The following ZNF814 variants were observed in gnomAD, a reference collection of about 807,000 sequenced individuals.
The protein encoded by ZNF814 is zinc finger protein 814.
In ZNF814, 5 loss-of-function variants were observed where a neutral mutation model predicts 7.5. The ratio of observed to expected loss-of-function variants is 0.67; its 90% confidence interval spans 0.35 to 1.40. The LOEUF (loss-of-function observed/expected upper bound fraction) is 1.40. ZNF814 is among the 40% of genes most tolerant of loss of function. The pLI, the probability that ZNF814 is intolerant of heterozygous loss-of-function variation, is 0.04. For synonymous variants in ZNF814, 315 were observed against 340.7 expected, an observed-to-expected ratio of 0.92 and a Z score of 0.83; for missense variants, 962 against 1,018.0, an observed-to-expected ratio of 0.94 and a Z score of 0.75.
At chr19:57,886,573 G>C (rs995387775) in intron 1 of ZNF814, among the ~76,000 whole-genome samples, 2 of 149,708 alleles carry the variant, frequency 1.3e-5, no homozygotes, top group African/African-American at 5.1e-5. Context: ...AAGATGCTTT[G>C]TTTAATAAAC....
intron 2 of ZNF814, chr19:57,876,550 A>C (rs1401740751): frequency 2.7e-6 from 1 of 372,438 alleles, no homozygotes; most frequent in Non-Finnish European, 4.8e-6. Context: ...GCAGTGATGT[A>C]GTCTGTGAAG....
intron 1 of ZNF814, among the ~76,000 whole-genome samples, chr19:57,883,092 C>G (rs1445255764): frequency 1.3e-5 from 2 of 151,882 alleles, no homozygotes; most frequent in African/African-American, 4.9e-5. Flanking sequence ...GGTGTGGTGG[C>G]TCACACCTGT....
At chr19:57,900,839 A>ATTTTTTTTTTTTTTTTTTTTTTT in the ZNF814 span, among the ~76,000 whole-genome samples, 106 of 45,770 alleles carry the variant, frequency 2.3e-3, 34 homozygotes, top group South Asian at 5.9e-3. Context: ...CCATGGCTGC[A>ATTTTTTTTTTTTTTTTTTTTTTT]TTTTTTTTTT....
chr19:57,891,818 A>G (rs772536933), upstream of ZNF814, among the ~76,000 whole-genome samples: 3 of 152,006 alleles, frequency 2.0e-5, no homozygotes, highest in Non-Finnish European at 2.9e-5. Flanking sequence ...CAGTGGCATG[A>G]TCTCAGCTCA....
intron 1 of ZNF814, among the ~76,000 whole-genome samples, chr19:57,885,409 T>A (rs2122463293): frequency 6.6e-6 from 1 of 150,870 alleles, no homozygotes; most frequent in African/African-American, 2.4e-5. Context: ...GGTGGGTGGA[T>A]CATGAGGTCA....
chr19:57,874,863 C>T lies in ZNF814; in HGVS notation c.527G>A (p.Gly176Glu). The T allele has an allele frequency of 6.2e-7, 1 of 1,614,096 alleles. No individual in the cohort carries two copies. Among genetic ancestry groups the T allele is most frequent in the Non-Finnish European group, 8.5e-7 (1 of 1,180,016 alleles). ...SGESSVFSES[G>E]KDFLPRSGLL... ...TCCTGACCTGGGCAAAAAGTCCTTCCCACTCTCACTGAAGACAGATGACTC... is the reference window on the plus strand; with the variant it reads ...TCCTGACCTGGGCAAAAAGTCCTTCTCACTCTCACTGAAGACAGATGACTC... The change falls in exon 3 of 3, where the codon GGG becomes GAG. Residue 176 changes from glycine to glutamate, a missense_variant. By Grantham distance (98) the Gly-to-Glu change is moderately conservative. Coordinates refer to ENST00000435989, the MANE Select transcript of ZNF814 (RefSeq NM_001144989.2).
intron 1 of ZNF814, among the ~76,000 whole-genome samples, chr19:57,878,947 G>A (rs1568519778): frequency 2.6e-5 from 4 of 151,508 alleles, no homozygotes; most frequent in Non-Finnish European, 5.9e-5. Flanking sequence ...GCACACAAGG[G>A]AAAAAAATTT....
At chr19:57,889,361 A>G (rs1186003175), upstream of ZNF814, among the ~76,000 whole-genome samples, 4 of 152,030 alleles carry the variant, frequency 2.6e-5, no homozygotes. Context: ...CTGAGCAACA[A>G]AGCAAAATCC....
chr19:57,901,058 G>T, the ZNF814 span, among the ~76,000 whole-genome samples: 1 of 148,714 alleles, frequency 6.7e-6, no homozygotes, highest in African/African-American at 2.5e-5. Context: ...CCGTGGTCTT[G>T]ATCTCCTGAC....
rs899557936 is a variant in ZNF814 at position 57,873,707 on chromosome 19, G to A, written c.1683C>T (p.Gly561=). Reference sequence around the variant, plus strand: ...GAACTCGCTGATGTAGAATGAGGGTGCCTTTATGACTAAAAGATTTCCCAC... The same window carrying A: ...GAACTCGCTGATGTAGAATGAGGGTACCTTTATGACTAAAAGATTTCCCAC... The part of the protein sequence containing the change: ...GECGKSFSHK[G]TLILHQRVHP... Residue 561 remains glycine, a synonymous_variant, in exon 3 of 3, where the codon GGC becomes GGT. Transcript: ENST00000435989. 1.9e-6 allele frequency: 3 copies of A among 1,613,160 alleles called. No homozygotes were observed. Among genetic ancestry groups the A allele is most frequent in the Non-Finnish European group, 2.5e-6 (3 of 1,179,724 alleles).
intron 1 of ZNF814, among the ~76,000 whole-genome samples, chr19:57,880,610 T>C (rs2071645001): frequency 8.5e-6 from 1 of 116,966 alleles, no homozygotes; most frequent in South Asian, 2.3e-4. Context: ...ACCTTTTTTT[T>C]TTCTTTTTTT....
rs2071559564 is a variant in ZNF814, at chr19:57,871,870, G to C, written c.*952C>G. ...CACACCTGTAATCCCAGCATGTTTGGAGGCCAAGGTGGAAGGATCGCTTGA... is the reference window on the plus strand; with the variant it reads ...CACACCTGTAATCCCAGCATGTTTGCAGGCCAAGGTGGAAGGATCGCTTGA... On this transcript the variant is annotated 3_prime_UTR_variant, in exon 3 of 3. Coordinates refer to ENST00000435989, the MANE Select transcript of ZNF814 (RefSeq NM_001144989.2). Among the ~76,000 whole-genome samples the C allele has an allele frequency of 6.6e-6, 1 of 151,134 alleles. No homozygotes were observed.
intron 2 of ZNF814, among the ~76,000 whole-genome samples, chr19:57,875,943 CTTTTTTTTTTTT>C (rs567660556): frequency 2.1e-4 from 15 of 71,436 alleles, no homozygotes; most frequent in Admixed American, 1.3e-3. Context: ...CAGGGTGCCG[CTTTTTTTTTTTT>C]TTTTTTTTTT....
At chr19:57,893,867 C>A (rs1294214144), upstream of ZNF814, among the ~76,000 whole-genome samples, 1 of 150,858 alleles carries the variant, frequency 6.6e-6, no homozygotes, top group Non-Finnish European at 1.5e-5. Context: ...TTGTAGTGAG[C>A]TGAGATTGCA....
rs762164821 is a variant in ZNF814 at position 57,873,883 on chromosome 19, G to T, written c.1507C>A (p.Gln503Lys). Reference protein sequence around the residue: ...QCGECGKSFSQKGNLVLHQRV... With the variant: ...QCGECGKSFSKKGNLVLHQRV... ...TGGTGTAGAACGAGGTTGCCCTTTTGACTGAAAGATTTCCCACATTCTCCA... is the reference window on the plus strand; with the variant it reads ...TGGTGTAGAACGAGGTTGCCCTTTTTACTGAAAGATTTCCCACATTCTCCA... Residue 503 changes from glutamine (Q) to lysine (K), a missense_variant, in exon 3 of 3, where the codon CAA becomes AAA. Physicochemically the swap from Gln to Lys is moderately conservative, Grantham distance 53. Transcript: ENST00000435989. 3 of 1,583,778 alleles carry T rather than the reference G, an allele frequency of 1.9e-6. No individual in the cohort carries two copies. In the Admixed American group the frequency reaches 5.3e-5, roughly 28 times the overall value.
In ZNF814 at chr19:57,874,611, T is replaced by C; in HGVS notation, c.779A>G (p.His260Arg). 2 of 1,553,014 alleles carry C rather than the reference T, an allele frequency of 1.3e-6. No homozygotes were observed. The highest frequency in any genetic ancestry group is 1.7e-6 in the Non-Finnish European group (2 of 1,147,500). ...SFSKYASLSNHQRVHTEKKHE... is the reference protein window; with the variant it reads ...SFSKYASLSNRQRVHTEKKHE... ...TTTTTTTTCAGTGTGAACTCTCTGA[T>C]GATTACTCAAGCTAGCATATTTGCT... is the stretch of plus-strand genomic sequence containing the variant. Residue 260 changes from histidine (H) to arginine (R), a missense_variant, in exon 3 of 3, where the codon CAT (histidine) becomes CGT (arginine). This residue lies in a region of ZNF814 where 126 missense variants were observed against 123.5 expected (regional missense o/e 1.02). Coordinates refer to ENST00000435989, the MANE Select transcript of ZNF814 (RefSeq NM_001144989.2).
chr19:57,883,046 G>A (rs763989487), intron 1 of ZNF814, among the ~76,000 whole-genome samples: 4 of 152,184 alleles, frequency 2.6e-5, no homozygotes, highest in African/African-American at 4.8e-5. Flanking sequence ...AGATAAATTT[G>A]GCAAAGAAAT....
In ZNF814 at chr19:57,888,916, G is replaced by C. The variant is rs2071716023; in HGVS notation, c.-114C>G. 8.5e-7 allele frequency: 1 copy of C among 1,182,378 alleles called. No individual in the cohort carries two copies. Among genetic ancestry groups the C allele is most frequent in the Admixed American group, 2.1e-5 (1 of 48,058 alleles). The allele number at this position is 1,182,378 out of a possible 1,614,324, so 73.2% of individuals were successfully genotyped here. On this transcript the variant is annotated 5_prime_UTR_variant, in exon 1 of 3. Coordinates refer to ENST00000435989, the MANE Select transcript of ZNF814 (RefSeq NM_001144989.2). ...GGGTCACGCTGGGCGCCGTCACAGAGCTCCAGAGTAGCCTCTGTGCAGCGG... is the reference window on the plus strand; with the variant it reads ...GGGTCACGCTGGGCGCCGTCACAGACCTCCAGAGTAGCCTCTGTGCAGCGG...
intron 1 of ZNF814, among the ~76,000 whole-genome samples, chr19:57,887,516 T>C (rs530675067): frequency 1.6e-4 from 25 of 152,354 alleles, no homozygotes; most frequent in African/African-American, 5.5e-4. Context: ...TGTGTTGTAA[T>C]GCCCAACCTT....
Sources: gnomAD v4.1 joint callset for allele counts (sites outside exome capture counted in the v4.1 genomes callset) on GRCh38, gnomAD v4.1.1 for gene constraint, gnomAD v4.1.1 regional missense constraint, MANE v1.5 for transcripts, NCBI Gene and HGNC (gene_info 2026-07-23, HGNC 2026-07-21) for gene names.